Variants in ITPR1 observed in about 807,000 individuals in gnomAD.
The protein encoded by ITPR1 is inositol 1,4,5-trisphosphate-gated calcium channel ITPR1.
A neutral mutation model predicts 318.4 loss-of-function variants in ITPR1; 96 were observed. That is an observed-to-expected ratio of 0.30 (90% CI 0.26 to 0.36). The LOEUF (loss-of-function observed/expected upper bound fraction) is 0.36, where lower values mean the gene tolerates loss of function less well. Ranked by LOEUF, ITPR1 falls within the 10% of genes least tolerant of loss-of-function variation. The pLI, the probability that ITPR1 is intolerant of heterozygous loss-of-function variation, is 1.00. For missense variants in ITPR1, 2,440 were observed against 3,460.2 expected, an observed-to-expected ratio of 0.71 and a Z score of 7.40; for synonymous variants, 1,312 against 1,289.9, an observed-to-expected ratio of 1.02 and a Z score of -0.37.
At chr3:4,684,437 T>G in intron 29 of ITPR1, 91 bp downstream of exon 29, 1 of 902,936 alleles carries the variant, frequency 1.1e-6, no homozygotes, top group Non-Finnish European at 1.8e-6. Flanking sequence ...GTACACACAT[T>G]TGAGCTTTTT....
intron 53 of ITPR1, 44 bp from the exon 54 acceptor site, chr3:4,800,381 G>A (rs755713903): frequency 6.3e-7 from 1 of 1,596,886 alleles, no homozygotes; most frequent in South Asian, 1.1e-5. Context: ...CCTGTACTCA[G>A]TGAAGGCACA....
At chr3:4,630,487 T>C (rs887816705) in intron 5 of ITPR1, among the ~76,000 whole-genome samples, 14 of 151,854 alleles carry the variant, frequency 9.2e-5, no homozygotes, top group Non-Finnish European at 1.8e-4. Context: ...CAAATGCCCA[T>C]AATCTATTCC....
chr3:4,590,727 T>G (rs967329344), intron 4 of ITPR1, among the ~76,000 whole-genome samples: 1 of 152,018 alleles, frequency 6.6e-6, no homozygotes, highest in African/African-American at 2.4e-5. Context: ...GTCTTTTTTT[T>G]AAATTTTAGG....
At chr3:4,569,021 T>G (rs2087698616) in intron 4 of ITPR1, among the ~76,000 whole-genome samples, 1 of 151,922 alleles carries the variant, frequency 6.6e-6, no homozygotes, top group South Asian at 2.1e-4. Flanking sequence ...AACGACCAGA[T>G]CTCTAGAGAA....
intron 4 of ITPR1, among the ~76,000 whole-genome samples, chr3:4,609,413 A>G (rs1183472278): frequency 2.6e-5 from 4 of 151,994 alleles, no homozygotes; most frequent in Admixed American, 2.6e-4. Flanking sequence ...TTTAGGGTAT[A>G]TACACGACGT....
intron 55 of ITPR1, among the ~76,000 whole-genome samples, chr3:4,808,894 G>A (rs114054563): frequency 2.6e-5 from 4 of 152,126 alleles, no homozygotes; most frequent in Admixed American, 6.5e-5. Flanking sequence ...GGACCTGGTC[G>A]TGAGCCTGCA....
Position 4,535,614 on chromosome 3 carries a change from T to A in ITPR1, c.163+14520T>A, listed in dbSNP as rs1028709408. Among the ~76,000 whole-genome samples, 7 of 151,732 alleles carry A rather than the reference T, an allele frequency of 4.6e-5. 1 individual carries two copies. Among genetic ancestry groups the A allele is most frequent in the Admixed American group, 6.6e-5 (1 of 15,210 alleles). On this transcript the variant is annotated intron_variant, in intron 4 of 61. Coordinates refer to ENST00000649015, the MANE Select transcript of ITPR1 (RefSeq NM_001378452.1). ...CCTGCCACCACGCCCGGCTAATTTT[T>A]TTTTGTATATTTAGTAGAGACGGGG... is the stretch of plus-strand genomic sequence containing the variant.
chr3:4,551,929 C>T (rs915892644), intron 4 of ITPR1, among the ~76,000 whole-genome samples: 2 of 152,222 alleles, frequency 1.3e-5, no homozygotes, highest in Non-Finnish European at 2.9e-5. Context: ...TTGATTGACT[C>T]TAACGAACAT....
intron 4 of ITPR1, among the ~76,000 whole-genome samples, chr3:4,534,014 C>T (rs1358181045): frequency 6.6e-6 from 1 of 152,204 alleles, no homozygotes; most frequent in Non-Finnish European, 1.5e-5. Flanking sequence ...GTGCTCCTTG[C>T]ATGTTTAGAG....
chr3:4,806,074 C>T (rs1175315730), intron 54 of ITPR1, 29 bp from the exon 55 acceptor site: 28 of 1,596,120 alleles, frequency 1.8e-5, no homozygotes, highest in Non-Finnish European at 2.3e-5. Flanking sequence ...CAGTCCGTGC[C>T]ATCTGACTGT....
chr3:4,576,902 G>T (rs571657464), intron 4 of ITPR1, among the ~76,000 whole-genome samples: 1 of 152,180 alleles, frequency 6.6e-6, no homozygotes, highest in Admixed American at 6.5e-5. Flanking sequence ...TTCCTGAAGG[G>T]TCATAAACAC....
intron 5 of ITPR1, among the ~76,000 whole-genome samples, chr3:4,633,831 G>A (rs2093093747): frequency 6.6e-6 from 1 of 152,250 alleles, no homozygotes; most frequent in African/African-American, 2.4e-5. Flanking sequence ...CAGCTAGGAA[G>A]AGCTAGAGGA....
intron 4 of ITPR1, among the ~76,000 whole-genome samples, chr3:4,624,013 G>A (rs2092732630): frequency 1.3e-5 from 2 of 152,176 alleles, no homozygotes; most frequent in Admixed American, 6.5e-5. Flanking sequence ...TTGTGATGTA[G>A]CCCCTTTGTT....
At position 4,542,102 on chromosome 3, in the gene ITPR1, TG is replaced by T. The variant is rs1248275950; in HGVS notation, c.163+21009del. On this transcript the variant is annotated intron_variant, in intron 4 of 61. Coordinates refer to ENST00000649015, the MANE Select transcript of ITPR1 (RefSeq NM_001378452.1). ...TTCTAAATGTTCTATTTGGGACTTCTGAAACGTTTGGTCATTCTCATTCCTC... is the reference window on the plus strand; with the variant it reads ...TTCTAAATGTTCTATTTGGGACTTCTAAACGTTTGGTCATTCTCATTCCTC... Among the ~76,000 whole-genome samples the T allele has an allele frequency of 6.5e-4, 99 of 152,366 alleles. 1 individual carries two copies. The highest frequency in any genetic ancestry group is 2.4e-3 in the African/African-American group (99 of 41,596).
At chr3:4,706,787 C>G (rs1456759512) in intron 37 of ITPR1, among the ~76,000 whole-genome samples, 1 of 152,188 alleles carries the variant, frequency 6.6e-6, no homozygotes, top group Non-Finnish European at 1.5e-5. Flanking sequence ...CAAAAGTATT[C>G]CTTCCAGCTA....
At chr3:4,646,780 C>T (rs2093467953) in intron 10 of ITPR1, among the ~76,000 whole-genome samples, 1 of 152,140 alleles carries the variant, frequency 6.6e-6, no homozygotes, top group African/African-American at 2.4e-5. Flanking sequence ...CTTTCTTCAC[C>T]TCAAGCCTTC....
At chr3:4,743,822 C>G (rs772725520) in intron 44 of ITPR1, among the ~76,000 whole-genome samples, 1 of 152,094 alleles carries the variant, frequency 6.6e-6, no homozygotes, top group Non-Finnish European at 1.5e-5. Context: ...GAATTTGTTT[C>G]TTGTTCGTTT....
intron 52 of ITPR1, among the ~76,000 whole-genome samples, chr3:4,793,118 C>A (rs1266060927): frequency 1.3e-5 from 2 of 152,134 alleles, no homozygotes; most frequent in African/African-American, 4.8e-5. Flanking sequence ...TGGATAAATA[C>A]CTAGTTGATT....
intron 44 of ITPR1, among the ~76,000 whole-genome samples, chr3:4,766,200 T>C (rs536141309): frequency 6.6e-6 from 1 of 152,206 alleles, no homozygotes; most frequent in South Asian, 2.1e-4. Flanking sequence ...TCAGTTTTCA[T>C]TATTAACAGT....
Sources: gnomAD v4.1 joint callset for allele counts (sites outside exome capture counted in the v4.1 genomes callset) on GRCh38, gnomAD v4.1.1 for gene constraint, MANE v1.5 for transcripts, NCBI Gene and HGNC (gene_info 2026-07-23, HGNC 2026-07-21) for gene names.